Variants in ERC2 observed in about 807,000 individuals in gnomAD.
ERC2 encodes ERC protein 2.
In ERC2, 42 loss-of-function variants were observed where a neutral mutation model predicts 114.8. The observed-to-expected ratio is 0.37, with a 90% CI of 0.29 to 0.47. The LOEUF is 0.47. Ranked by LOEUF, ERC2 falls within the 20% of genes least tolerant of loss-of-function variation. ERC2 has a pLI of 0.99. For synonymous variants in ERC2, 454 were observed against 425.5 expected (o/e 1.07, Z -0.82); for missense variants, 939 against 1,150.7 (o/e 0.82, Z 2.66).
At chr3:55,678,411 G>A (rs1368514853) in intron 17 of ERC2, among the ~76,000 whole-genome samples, 1 of 152,136 alleles carries the variant, frequency 6.6e-6, no homozygotes, top group Admixed American at 6.5e-5. Context: ...GGAACTACAA[G>A]AGCCAATGGC....
Position 56,003,766 on chromosome 3 carries a change from C to T in ERC2, c.2061+3415G>A, listed in dbSNP as rs573689086. Among the ~76,000 whole-genome samples the T allele has an allele frequency of 5.3e-5, 8 of 152,138 alleles. No individual in the cohort carries two copies. The East Asian group carries it at 1.2e-3, about 22-fold the overall frequency. ...TATTACCAACTTCTACTGTTGTCTCCGGATTAATAGAAAACATAATTTTCA... is the reference window on the plus strand; with the variant it reads ...TATTACCAACTTCTACTGTTGTCTCTGGATTAATAGAAAACATAATTTTCA... On this transcript the variant is annotated intron_variant, in intron 10 of 17. Transcript: ENST00000288221.
At chr3:55,854,544 C>T (rs2061709222) in intron 14 of ERC2, among the ~76,000 whole-genome samples, 1 of 152,152 alleles carries the variant, frequency 6.6e-6, no homozygotes, top group Non-Finnish European at 1.5e-5. Flanking sequence ...CAGGCACACA[C>T]CAGGACATGG....
intron 2 of ERC2, among the ~76,000 whole-genome samples, chr3:56,403,554 G>A (rs778977052): frequency 2.0e-5 from 3 of 152,146 alleles, no homozygotes; most frequent in South Asian, 2.1e-4. Context: ...TCCACGGACC[G>A]GCAGTATCGG....
chr3:55,734,501 T>G (rs776538604), intron 15 of ERC2, among the ~76,000 whole-genome samples: 8 of 152,130 alleles, frequency 5.3e-5, no homozygotes, highest in Non-Finnish European at 1.0e-4. Context: ...GGAAAGAAAG[T>G]TGAGAGCTAT....
chr3:56,000,201 T>C (rs1306334655), intron 10 of ERC2, among the ~76,000 whole-genome samples: 2 of 151,852 alleles, frequency 1.3e-5, no homozygotes, highest in African/African-American at 2.4e-5. Context: ...TCAACATGAA[T>C]AAAAATGAAC....
chr3:55,648,308 C>A (rs1292953002), intron 17 of ERC2, among the ~76,000 whole-genome samples: 1 of 152,190 alleles, frequency 6.6e-6, no homozygotes. Flanking sequence ...CTCAATGTGC[C>A]AGCTGTGAGA....
At chr3:56,299,436 T>TTA (rs931356464) in intron 2 of ERC2, among the ~76,000 whole-genome samples, 11 of 150,132 alleles carry the variant, frequency 7.3e-5, no homozygotes, top group Non-Finnish European at 1.6e-4. Context: ...CTAATAGATT[T>TTA]TTTTTTTTTT....
intron 14 of ERC2, among the ~76,000 whole-genome samples, chr3:55,879,370 T>G (rs745564546): frequency 3.9e-5 from 6 of 152,178 alleles, no homozygotes; most frequent in Admixed American, 1.3e-4. Context: ...GCCTACCAAC[T>G]CTAGCACAGT....
chr3:56,047,561 G>C (rs1450118391), intron 7 of ERC2, among the ~76,000 whole-genome samples: 7 of 152,070 alleles, frequency 4.6e-5, no homozygotes, highest in African/African-American at 1.7e-4. Flanking sequence ...AAGCACACAG[G>C]GTATTTAAAC....
At chr3:55,954,769 C>A (rs2067824704) in intron 12 of ERC2, among the ~76,000 whole-genome samples, 1 of 151,984 alleles carries the variant, frequency 6.6e-6, no homozygotes, top group Non-Finnish European at 1.5e-5. Context: ...CAATTTCCAC[C>A]AAAGCATGCC....
rs113439754 is a variant in ERC2, at chr3:56,244,539, G to A, written c.1074+51480C>T. ...TCCAGTGGGATCATCAACATCAACA[G>A]TGATGTTGATGATCCTGATCATGTG... On this transcript the variant is annotated intron_variant, in intron 3 of 17. Transcript: ENST00000288221. Among the ~76,000 whole-genome samples the A allele has an allele frequency of 2.6e-3, 393 of 152,036 alleles. 1 individual carries two copies. The highest frequency in any genetic ancestry group is 9.2e-3 in the African/African-American group (380 of 41,456).
At chr3:56,384,347 A>G (rs1456896782) in intron 2 of ERC2, among the ~76,000 whole-genome samples, 1 of 152,034 alleles carries the variant, frequency 6.6e-6, no homozygotes, top group African/African-American at 2.4e-5. Context: ...CCATTTCTCT[A>G]TTTACTCACC....
chr3:56,418,763 T>C (rs1366011892), intron 2 of ERC2, among the ~76,000 whole-genome samples: 1 of 152,166 alleles, frequency 6.6e-6, no homozygotes, highest in Non-Finnish European at 1.5e-5. Flanking sequence ...TCACAGACTT[T>C]ACATGCTGGC....
intron 7 of ERC2, 80 bp from the exon 8 acceptor site, chr3:56,019,111 A>C: frequency 1.1e-5 from 12 of 1,136,370 alleles, no homozygotes; most frequent in Non-Finnish European, 1.5e-5. Flanking sequence ...TCTATTAATA[A>C]AAAAAGAAAG....
intron 17 of ERC2, among the ~76,000 whole-genome samples, chr3:55,591,282 C>T (rs1407803982): frequency 6.6e-6 from 1 of 150,470 alleles, no homozygotes; most frequent in Non-Finnish European, 1.5e-5. Context: ...TCTTTTGTCT[C>T]TTCTCTTAGG....
chr3:56,092,820 T>C (rs1290155581), intron 6 of ERC2, among the ~76,000 whole-genome samples: 1 of 152,190 alleles, frequency 6.6e-6, no homozygotes, highest in Non-Finnish European at 1.5e-5. Flanking sequence ...CCATGTGTCA[T>C]TCATATTGTG....
chr3:56,189,228 G>A (rs1160229992), intron 3 of ERC2, among the ~76,000 whole-genome samples: 6 of 152,264 alleles, frequency 3.9e-5, no homozygotes, highest in Middle Eastern at 3.4e-3. Flanking sequence ...TTCATAAGAC[G>A]GTTCTCCAAG....
At chr3:56,246,663 G>A (rs545408171) in intron 3 of ERC2, among the ~76,000 whole-genome samples, 4 of 152,184 alleles carry the variant, frequency 2.6e-5, no homozygotes, top group Non-Finnish European at 4.4e-5. Context: ...TCTTGAACCC[G>A]ATTCCACTGA....
At chr3:56,429,172 T>C (rs1241087616) in intron 2 of ERC2, among the ~76,000 whole-genome samples, 3 of 152,122 alleles carry the variant, frequency 2.0e-5, no homozygotes, top group Admixed American at 6.5e-5. Flanking sequence ...CGTAACACAA[T>C]AGAATAAAGA....
Sources: allele counts gnomAD v4.1 joint callset (sites outside exome capture counted in the v4.1 genomes callset), GRCh38; gene constraint gnomAD v4.1.1; transcripts MANE v1.5; gene names NCBI Gene and HGNC (gene_info 2026-07-23, HGNC 2026-07-21).